Variants in SLCO3A1 observed in about 807,000 individuals in gnomAD.
SLCO3A1 encodes PGE1 transporter.
A neutral mutation model predicts 63.1 loss-of-function variants in SLCO3A1; 27 were observed. That is an observed-to-expected ratio of 0.43 (90% CI 0.32 to 0.59). The LOEUF is 0.59. Ranked by LOEUF, SLCO3A1 falls within the 20% of genes least tolerant of loss-of-function variation. SLCO3A1 has a pLI of 0.09. For missense variants in SLCO3A1, 773 were observed against 945.8 expected, an observed-to-expected ratio of 0.82 and a Z score of 2.40; for synonymous variants, 473 against 409.9, an observed-to-expected ratio of 1.15 and a Z score of -1.86.
intron 2 of SLCO3A1, among the ~76,000 whole-genome samples, chr15:92,066,433 T>G (rs2047152591): frequency 6.6e-6 from 1 of 152,230 alleles, no homozygotes; most frequent in Non-Finnish European, 1.5e-5. Context: ...TCTGGGATGC[T>G]GAACAAACAG....
At chr15:92,044,349 C>T (rs555007641) in intron 2 of SLCO3A1, among the ~76,000 whole-genome samples, 22 of 152,284 alleles carry the variant, frequency 1.4e-4, no homozygotes, top group African/African-American at 5.1e-4. Context: ...TTATCCTGTT[C>T]AGACAGGCCC....
intron 2 of SLCO3A1, among the ~76,000 whole-genome samples, chr15:91,960,048 A>G (rs564383147): frequency 2.1e-4 from 32 of 152,144 alleles, no homozygotes; most frequent in Non-Finnish European, 4.0e-4. Flanking sequence ...CAGTGGCACA[A>G]TCTCGGCTCA....
chr15:91,915,864 G>C (rs1597116837), intron 1 of SLCO3A1, 129 bp from the exon 2 acceptor site: 1 of 733,126 alleles, frequency 1.4e-6, no homozygotes, highest in East Asian at 2.5e-5. Flanking sequence ...CTGCCTTTTT[G>C]CACCTGGCAC....
intron 2 of SLCO3A1, among the ~76,000 whole-genome samples, chr15:92,071,604 C>G (rs2047216775): frequency 6.6e-6 from 1 of 152,246 alleles, no homozygotes; most frequent in Non-Finnish European, 1.5e-5. Context: ...ACAGAGCACT[C>G]TTCCTGATGG....
At chr15:92,169,293 T>C (rs1468380431), downstream of SLCO3A1, among the ~76,000 whole-genome samples, 1 of 152,172 alleles carries the variant, frequency 6.6e-6, no homozygotes, top group East Asian at 1.9e-4. Flanking sequence ...TTTTAGGTCT[T>C]TAAAAGCTCT....
chr15:92,053,550 G>T (rs370499077), intron 2 of SLCO3A1, among the ~76,000 whole-genome samples: 3 of 152,106 alleles, frequency 2.0e-5, no homozygotes, highest in Admixed American at 6.5e-5. Flanking sequence ...AGTCATCATG[G>T]CTCCTTTGGC....
rs1158728794 is a variant in SLCO3A1, at chr15:91,880,399, C to CTGTGTGTGTGTGTGTGTGTG, written c.180+26312_180+26313insGTGTGTGTGTGTGTGTGTGT. Among the ~76,000 whole-genome samples, 188 of 114,480 alleles carry CTGTGTGTGTGTGTGTGTGTG rather than the reference C, an allele frequency of 1.6e-3. 2 individuals are homozygous for CTGTGTGTGTGTGTGTGTGTG. Among genetic ancestry groups the CTGTGTGTGTGTGTGTGTGTG allele is most frequent in the African/African-American group, 5.4e-3 (169 of 31,132 alleles). 75.1% of individuals were successfully genotyped at this position (114,480 alleles called of 152,430 possible). ...CTCGTGCTTCTCTCTCTCTCTCTCT[C>CTGTGTGTGTGTGTGTGTGTG]TCTCTCTCTCTGTGTGTGTGTGTGT... On this transcript the variant is annotated intron_variant, in intron 1 of 9. Coordinates refer to ENST00000318445, the MANE Select transcript of SLCO3A1 (RefSeq NM_013272.4).
chr15:91,963,089 G>C (rs1158867412), intron 2 of SLCO3A1, among the ~76,000 whole-genome samples: 1 of 152,068 alleles, frequency 6.6e-6, no homozygotes, highest in Non-Finnish European at 1.5e-5. Flanking sequence ...CTTGTCTCCT[G>C]CTAAATCATG....
At chr15:92,155,143 T>C (rs2048355701) in intron 9 of SLCO3A1, 1 of 152,228 alleles carries the variant, frequency 6.6e-6, no homozygotes, top group Non-Finnish European at 1.5e-5. Flanking sequence ...GATCTACTCA[T>C]AGCAGAATTC....
At chr15:91,951,819 T>C (rs1207282576) in intron 2 of SLCO3A1, among the ~76,000 whole-genome samples, 2 of 152,144 alleles carry the variant, frequency 1.3e-5, no homozygotes, top group Non-Finnish European at 2.9e-5. Flanking sequence ...CCTCCCTAAG[T>C]ATTGGGATTA....
chr15:91,871,979 T>G (rs1362877622), intron 1 of SLCO3A1, among the ~76,000 whole-genome samples: 20 of 152,184 alleles, frequency 1.3e-4, no homozygotes, highest in Admixed American at 1.3e-3. Flanking sequence ...TTTGTTTTGC[T>G]GATACAAATT....
At position 91,912,481 on chromosome 15, in the gene SLCO3A1, G is replaced by A. The variant is rs1054401160; in HGVS notation, c.181-3512G>A. Among the ~76,000 whole-genome samples, 1 of 152,176 alleles carries A rather than the reference G, an allele frequency of 6.6e-6. No individual in the cohort carries two copies. Among genetic ancestry groups the A allele is most frequent in the Non-Finnish European group, 1.5e-5 (1 of 68,036 alleles). On this transcript the variant is annotated intron_variant, in intron 1 of 9. Coordinates refer to ENST00000318445, the MANE Select transcript of SLCO3A1 (RefSeq NM_013272.4). The surrounding 1 kb of genome is among the most constrained non-coding windows in gnomAD (Gnocchi z 5.0). ...CAGGACAAGAGCTGCAGGCACGGGC[G>A]TTATCTGTCTCTAAAAGAACTGATT... is the stretch of plus-strand genomic sequence containing the variant.
intron 2 of SLCO3A1, among the ~76,000 whole-genome samples, chr15:91,952,353 A>G (rs1195929472): frequency 2.6e-5 from 4 of 152,226 alleles, no homozygotes; most frequent in Non-Finnish European, 4.4e-5. Context: ...CTAGAATATT[A>G]TGCTCTTGGT....
At chr15:92,145,827 C>T (rs143383403) in intron 7 of SLCO3A1, among the ~76,000 whole-genome samples, 2 of 152,182 alleles carry the variant, frequency 1.3e-5, no homozygotes, top group Admixed American at 1.3e-4. Flanking sequence ...ACGTCTGCCC[C>T]CATTCCTTCC....
intron 6 of SLCO3A1, among the ~76,000 whole-genome samples, chr15:92,127,304 G>A (rs1654714525): frequency 6.6e-6 from 1 of 152,206 alleles, no homozygotes; most frequent in African/African-American, 2.4e-5. Context: ...TAGTGGTTAG[G>A]AGCACAAGGT....
chr15:92,027,873 G>A (rs1180091724), intron 2 of SLCO3A1, among the ~76,000 whole-genome samples: 2 of 152,186 alleles, frequency 1.3e-5, no homozygotes, highest in Non-Finnish European at 2.9e-5. Flanking sequence ...TTGGTTTTTA[G>A]TTTATTTTAG....
At chr15:91,876,374 C>T (rs1457400085) in intron 1 of SLCO3A1, among the ~76,000 whole-genome samples, 1 of 152,166 alleles carries the variant, frequency 6.6e-6, no homozygotes, top group African/African-American at 2.4e-5. Flanking sequence ...GCAAGTGCCT[C>T]ATCTGTTAAA....
At chr15:91,990,754 G>T (rs1163939590) in intron 2 of SLCO3A1, among the ~76,000 whole-genome samples, 1 of 151,914 alleles carries the variant, frequency 6.6e-6, no homozygotes, top group South Asian at 2.1e-4. Flanking sequence ...CCTTCCTGAC[G>T]CATTTGCTGT....
chr15:91,939,596 A>C (rs531032590), intron 2 of SLCO3A1, among the ~76,000 whole-genome samples: 18 of 152,170 alleles, frequency 1.2e-4, no homozygotes, highest in African/African-American at 4.3e-4. Flanking sequence ...CAGCTCCAGC[A>C]CCTCCTAATG....
Sources: allele counts gnomAD v4.1 joint callset (sites outside exome capture counted in the v4.1 genomes callset), GRCh38; gene constraint gnomAD v4.1.1; non-coding constraint Gnocchi (gnomAD v3.1); transcripts MANE v1.5; gene names NCBI Gene and HGNC (gene_info 2026-07-23, HGNC 2026-07-21).